PATJ: variants seen among roughly 807,000 people sequenced by gnomAD.
PATJ encodes the protein PATJ crumbs cell polarity complex component.
A neutral mutation model predicts 224.9 loss-of-function variants in PATJ; 190 were observed. That is an observed-to-expected ratio of 0.84 (90% CI 0.75 to 0.95). The LOEUF (loss-of-function observed/expected upper bound fraction) is 0.95, where lower values mean the gene tolerates loss of function less well. PATJ is among the 40% of genes least tolerant of loss of function. The probability of loss-of-function intolerance (pLI) is 0.00; values close to 1 mark genes in which losing one functional copy is unlikely to be tolerated. For synonymous variants in PATJ, 769 were observed against 820.3 expected (o/e 0.94, Z 1.07); for missense variants, 2,121 against 2,270.3 (o/e 0.93, Z 1.34).
chr1:62,009,404 A>G (rs1646293368), intron 28 of PATJ, among the ~76,000 whole-genome samples: 1 of 152,238 alleles, frequency 6.6e-6, no homozygotes. Flanking sequence ...ATGTCTAAAC[A>G]AGTAGATACA....
intron 15 of PATJ, among the ~76,000 whole-genome samples, chr1:61,825,351 A>G (rs935994334): frequency 6.6e-6 from 1 of 152,146 alleles, no homozygotes; most frequent in Non-Finnish European, 1.5e-5. Context: ...GATAATTGAG[A>G]TTTGACAGCA....
At chr1:62,059,301 T>G (rs987865648) in intron 31 of PATJ, among the ~76,000 whole-genome samples, 54 of 152,234 alleles carry the variant, frequency 3.5e-4, no homozygotes, top group African/African-American at 1.3e-3. Context: ...ATTAACCTTT[T>G]GAAAAGATCC....
chr1:62,035,230 C>A (rs576283790), intron 29 of PATJ, among the ~76,000 whole-genome samples: 3 of 152,294 alleles, frequency 2.0e-5, no homozygotes, highest in Non-Finnish European at 4.4e-5. Flanking sequence ...CTGCTCAAGG[C>A]ACCTGAAATG....
chr1:61,795,099 T>TAAAAA (rs78496504), intron 9 of PATJ, among the ~76,000 whole-genome samples: 11 of 101,152 alleles, frequency 1.1e-4, no homozygotes, highest in Admixed American at 2.3e-4. Context: ...ATAGTGATGG[T>TAAAAA]AAAAAAAAAA....
intron 29 of PATJ, among the ~76,000 whole-genome samples, chr1:62,036,879 A>AAAAAAAAAAAAAAAAAAAAAAAAAAG (rs1558074944): frequency 6.7e-5 from 10 of 149,842 alleles, no homozygotes; most frequent in South Asian, 2.1e-4. Context: ...CTCAAAAAAA[A>AAAAAAAAAAAAAAAAAAAAAAAAAAG]AAGAAGGAAG....
intron 30 of PATJ, among the ~76,000 whole-genome samples, chr1:62,042,742 G>C (rs1651761174): frequency 6.6e-6 from 1 of 152,120 alleles, no homozygotes. Context: ...AAACTCCTGG[G>C]CTCAAGCAAT....
chr1:62,090,526 T>C (rs1473120606), intron 33 of PATJ, among the ~76,000 whole-genome samples: 2 of 152,170 alleles, frequency 1.3e-5, no homozygotes, highest in Non-Finnish European at 2.9e-5. Context: ...AGTAGAGCCA[T>C]GGCATCCACT....
chr1:61,885,790 A>G (rs1170759125), intron 22 of PATJ, among the ~76,000 whole-genome samples: 3 of 151,912 alleles, frequency 2.0e-5, no homozygotes, highest in African/African-American at 7.3e-5. Context: ...ATGTCCAACA[A>G]TGATAGACTG....
intron 28 of PATJ, among the ~76,000 whole-genome samples, chr1:61,992,537 GAC>G (rs1645130422): frequency 6.6e-6 from 1 of 152,094 alleles, no homozygotes; most frequent in Non-Finnish European, 1.5e-5. Context: ...TACATATCTA[GAC>G]AGAGATTTCC....
intron 23 of PATJ, among the ~76,000 whole-genome samples, chr1:61,900,712 C>A (rs990894351): frequency 6.6e-6 from 1 of 152,002 alleles, no homozygotes; most frequent in Non-Finnish European, 1.5e-5. Flanking sequence ...GCCTCAGCCT[C>A]CGGAGTAGCT....
chr1:61,996,949 C>T (rs1484411375), intron 28 of PATJ, among the ~76,000 whole-genome samples: 2 of 151,806 alleles, frequency 1.3e-5, no homozygotes, highest in East Asian at 3.9e-4. Flanking sequence ...ACCATGTTGG[C>T]CAGGCTAGTC....
chr1:61,958,083 A>G (rs546367652), intron 27 of PATJ, among the ~76,000 whole-genome samples: 1 of 152,310 alleles, frequency 6.6e-6, no homozygotes, highest in South Asian at 2.1e-4. Context: ...ATGTATATGT[A>G]TTTCTGTGTA....
chr1:61,748,557 T>A lies in PATJ; in HGVS notation c.-36+6002T>A, dbSNP rs186390985. ...AGGCGTGAGCCACTGCGCCTGGCCA[T>A]GTAAATGGATTAATACTCCAAATTA... On this transcript the variant is annotated intron_variant, in intron 1 of 43. Coordinates refer to ENST00000642238, the MANE Select transcript of PATJ (RefSeq NM_001350145.3). 4.8e-3 allele frequency among the ~76,000 whole-genome samples: 736 copies of A among 152,150 alleles called. 7 individuals are homozygous for A. The highest frequency in any genetic ancestry group is 0.017 in the Middle Eastern group (5 of 294).
intron 20 of PATJ, among the ~76,000 whole-genome samples, chr1:61,872,050 T>C (rs1666714771): frequency 6.6e-6 from 1 of 152,132 alleles, no homozygotes; most frequent in African/African-American, 2.4e-5. Context: ...ACCCAATGTA[T>C]TGAAATCCCA....
chr1:62,097,214 A>C (rs751367625), intron 33 of PATJ, among the ~76,000 whole-genome samples: 2 of 152,006 alleles, frequency 1.3e-5, no homozygotes, highest in Non-Finnish European at 2.9e-5. Context: ...CCCAGCATAC[A>C]TTGCTGCCTT....
chr1:61,769,234 T>C (rs1646463479), intron 4 of PATJ, 49 bp from the exon 5 acceptor site: 2 of 1,570,120 alleles, frequency 1.3e-6, no homozygotes, highest in African/African-American at 1.4e-5. Context: ...ACAGAGTATG[T>C]TGGCTAAATG....
chr1:61,990,264 A>G lies in PATJ; in HGVS notation c.3767A>G (p.Asn1256Ser), dbSNP rs1175539189. The change falls in exon 28 of 44, where the codon AAT (asparagine) becomes AGT (serine). Residue 1256 changes from asparagine (N) to serine (S), a missense_variant. Asn to Ser is a conservative substitution (Grantham distance 46, BLOSUM62 1). Coordinates refer to ENST00000642238, the MANE Select transcript of PATJ (RefSeq NM_001350145.3). ...KNGLGLSLAG[N>S]KDRSRMSIFV... is the part of the protein sequence containing the mutation. ...GGACTTGGACTCAGCCTTGCTGGTAATAAAGACCGATCACGCATGAGCATA... is the reference window on the plus strand; with the variant it reads ...GGACTTGGACTCAGCCTTGCTGGTAGTAAAGACCGATCACGCATGAGCATA... The G allele has an allele frequency of 6.2e-7, 1 of 1,613,956 alleles. No homozygotes were observed. Among genetic ancestry groups the G allele is most frequent in the Non-Finnish European group, 8.5e-7 (1 of 1,179,964 alleles).
At chr1:61,920,407 C>A (rs1020032162) in intron 26 of PATJ, among the ~76,000 whole-genome samples, 4 of 152,138 alleles carry the variant, frequency 2.6e-5, no homozygotes, top group African/African-American at 9.7e-5. Flanking sequence ...CAAGCTCTCT[C>A]TCTTTGCCTG....
At chr1:62,096,377 A>G (rs2148815658) in intron 33 of PATJ, among the ~76,000 whole-genome samples, 1 of 152,258 alleles carries the variant, frequency 6.6e-6, no homozygotes, top group South Asian at 2.1e-4. Context: ...ATCAGTGAGG[A>G]TTGTACTTGA....
Sources: allele counts gnomAD v4.1 joint callset (sites outside exome capture counted in the v4.1 genomes callset), GRCh38; gene constraint gnomAD v4.1.1; transcripts MANE v1.5; gene names NCBI Gene and HGNC (gene_info 2026-07-23, HGNC 2026-07-21).